The following AK5 variants were observed in gnomAD, a reference collection of about 807,000 sequenced individuals.
The protein encoded by AK5 is adenylate kinase 5.
In AK5, 27 loss-of-function variants were observed where a neutral mutation model predicts 69.5. The observed-to-expected ratio is 0.39, with a 90% CI of 0.29 to 0.54. The LOEUF is 0.54. AK5 is among the 20% of genes least tolerant of loss of function. AK5 has a pLI of 0.71. For synonymous variants in AK5, 260 were observed against 244.4 expected, an observed-to-expected ratio of 1.06 and a Z score of -0.60; for missense variants, 531 against 700.4, an observed-to-expected ratio of 0.76 and a Z score of 2.73.
chr1:77,473,200 GTT>G (rs538996435), intron 8 of AK5, among the ~76,000 whole-genome samples: 2 of 142,830 alleles, frequency 1.4e-5, no homozygotes. Context: ...GCTTCTTGGG[GTT>G]TTTTTTTTTT....
chr1:77,454,402 A>G (rs533796669), intron 8 of AK5, among the ~76,000 whole-genome samples: 2 of 152,102 alleles, frequency 1.3e-5, no homozygotes, highest in Non-Finnish European at 2.9e-5. Flanking sequence ...TCTCTCTTTC[A>G]TGAACCAACA....
chr1:77,473,513 G>A (rs1002717612), intron 8 of AK5, among the ~76,000 whole-genome samples: 3 of 152,142 alleles, frequency 2.0e-5, no homozygotes, highest in African/African-American at 7.2e-5. Flanking sequence ...ACACTTCCAG[G>A]ATTGGACAGC....
At chr1:77,549,207 G>A (rs781643805) in intron 13 of AK5, among the ~76,000 whole-genome samples, 3 of 151,904 alleles carry the variant, frequency 2.0e-5, no homozygotes, top group Non-Finnish European at 4.4e-5. Context: ...ATAATATTTT[G>A]CTACACTGGT....
At chr1:77,286,532 G>A (rs1043799281) in intron 1 of AK5, among the ~76,000 whole-genome samples, 10 of 151,968 alleles carry the variant, frequency 6.6e-5, no homozygotes, top group Non-Finnish European at 8.8e-5. Context: ...ATTCAAAGAT[G>A]AGCCATAATA....
chr1:77,327,493 C>G (rs1391001776), intron 5 of AK5, among the ~76,000 whole-genome samples: 1 of 151,968 alleles, frequency 6.6e-6, no homozygotes, highest in Non-Finnish European at 1.5e-5. Context: ...CTGGCTGAGT[C>G]TGGCAACATC....
At chr1:77,347,365 T>C (rs977822923) in intron 6 of AK5, among the ~76,000 whole-genome samples, 1 of 152,182 alleles carries the variant, frequency 6.6e-6, no homozygotes, top group African/African-American at 2.4e-5. Flanking sequence ...AATCACATCC[T>C]CTGGGCAACA....
chr1:77,395,481 T>C (rs1228681948), intron 6 of AK5, among the ~76,000 whole-genome samples: 1 of 152,206 alleles, frequency 6.6e-6, no homozygotes, highest in Admixed American at 6.5e-5. Context: ...GGTAAGCTTA[T>C]CAATTCCAGT....
intron 5 of AK5, among the ~76,000 whole-genome samples, chr1:77,319,079 A>G (rs1180446263): frequency 6.6e-6 from 1 of 152,176 alleles, no homozygotes; most frequent in Non-Finnish European, 1.5e-5. Flanking sequence ...CAAGGCCTAT[A>G]GGTTCAAGGA....
At chr1:77,288,713 C>A (rs1019524153) in intron 2 of AK5, among the ~76,000 whole-genome samples, 16 of 152,138 alleles carry the variant, frequency 1.1e-4, no homozygotes, top group African/African-American at 3.9e-4. Flanking sequence ...ATGTCTGAAA[C>A]TGCTATTTAA....
At chr1:77,295,639 A>G (rs1306168762) in intron 3 of AK5, among the ~76,000 whole-genome samples, 1 of 150,994 alleles carries the variant, frequency 6.6e-6, no homozygotes, top group Admixed American at 6.7e-5. Context: ...TCATCATTTT[A>G]TGATGAGATT....
intron 5 of AK5, among the ~76,000 whole-genome samples, chr1:77,309,641 T>TG: frequency 6.6e-6 from 1 of 152,272 alleles, no homozygotes; most frequent in Admixed American, 6.5e-5. Flanking sequence ...AGTACTTACC[T>TG]TTTTATTTTA....
chr1:77,520,202 CAAAA>C (rs377135288), intron 11 of AK5, among the ~76,000 whole-genome samples: 2 of 110,558 alleles, frequency 1.8e-5, no homozygotes, highest in Admixed American at 9.7e-5. Context: ...AACTCCATCT[CAAAA>C]AAAAAAAAAA....
chr1:77,409,460 G>A (rs1233502979), intron 6 of AK5, among the ~76,000 whole-genome samples: 1 of 151,896 alleles, frequency 6.6e-6, no homozygotes, highest in African/African-American at 2.4e-5. Flanking sequence ...TCTCATTGGG[G>A]CTTTGATTTG....
chr1:77,345,089 A>T (rs1401009553), intron 6 of AK5, among the ~76,000 whole-genome samples: 2 of 152,172 alleles, frequency 1.3e-5, no homozygotes, highest in African/African-American at 2.4e-5. Flanking sequence ...AGCCAGAAAA[A>T]CATGGATTTC....
At chr1:77,372,857 A>G (rs1336796808) in intron 6 of AK5, among the ~76,000 whole-genome samples, 2 of 151,986 alleles carry the variant, frequency 1.3e-5, no homozygotes, top group Non-Finnish European at 2.9e-5. Flanking sequence ...TAGAATTTTA[A>G]TGTGAGCATT....
At chr1:77,313,645 C>G (rs747126667) in intron 5 of AK5, 2 of 393,472 alleles carry the variant, frequency 5.1e-6, no homozygotes, top group Non-Finnish European at 1.0e-5. Flanking sequence ...GGAGTCCATA[C>G]TCTACAGCAC....
intron 13 of AK5, among the ~76,000 whole-genome samples, chr1:77,548,398 C>T (rs964094516): frequency 6.6e-6 from 1 of 152,182 alleles, no homozygotes; most frequent in Non-Finnish European, 1.5e-5. Flanking sequence ...CCAGATCATG[C>T]CCAGGTTCTG....
chr1:77,330,036 A>G (rs1002475445), intron 5 of AK5, among the ~76,000 whole-genome samples: 3 of 152,196 alleles, frequency 2.0e-5, no homozygotes, highest in Admixed American at 1.3e-4. Flanking sequence ...TCTTGGAGAT[A>G]AAAGAGAGGC....
At chr1:77,289,862 CAAAAAAAA>C (rs55819317) in intron 2 of AK5, among the ~76,000 whole-genome samples, 4 of 64,700 alleles carry the variant, frequency 6.2e-5, no homozygotes, top group Admixed American at 2.4e-4. Flanking sequence ...GACTCCGTCT[CAAAAAAAA>C]AAAAAAAAAA....
Sources: allele counts gnomAD v4.1 joint callset (sites outside exome capture counted in the v4.1 genomes callset), GRCh38; gene constraint gnomAD v4.1.1; transcripts MANE v1.5; gene names NCBI Gene and HGNC (gene_info 2026-07-23, HGNC 2026-07-21).